Variants in VTCN1 observed in about 807,000 individuals in gnomAD.
VTCN1 encodes V-set domain containing T cell activation inhibitor 1.
VTCN1 carries 26 observed loss-of-function variants against 26.5 expected under a neutral mutation model. That is an observed-to-expected ratio of 0.98 (90% CI 0.72 to 1.36). VTCN1 has a LOEUF of 1.36. Among genes scored for constraint, VTCN1 ranks in the 40% most tolerant of loss-of-function variants. The probability of loss-of-function intolerance (pLI) is 0.00; values close to 1 mark genes in which losing one functional copy is unlikely to be tolerated. For missense variants in VTCN1, 298 were observed against 337.7 expected (o/e 0.88, Z 0.92); for synonymous variants, 116 against 130.7 (o/e 0.89, Z 0.77).
chr1:117,196,986 C>T (rs1211309803), intron 1 of VTCN1, among the ~76,000 whole-genome samples: 2 of 152,176 alleles, frequency 1.3e-5, no homozygotes, highest in East Asian at 1.9e-4. Flanking sequence ...CACCATCTTG[C>T]AGCTCACTTC....
intron 4 of VTCN1, among the ~76,000 whole-genome samples, chr1:117,148,861 C>A (rs1651650569): frequency 6.6e-6 from 1 of 152,132 alleles, no homozygotes; most frequent in African/African-American, 2.4e-5. Context: ...TCAGACAGAA[C>A]CAGACTGGTG....
chr1:117,187,452 A>G (rs12025144), intron 1 of VTCN1, among the ~76,000 whole-genome samples: 17,338 of 152,166 alleles, frequency 0.11, 1,054 homozygotes, highest in East Asian at 0.16. Context: ...GAAGTCCCCA[A>G]TGACATACAG....
In VTCN1 at chr1:117,205,028, A is replaced by G. The variant is rs568175856; in HGVS notation, c.32+5796T>C. ...TATATATATGCGTATATATACACGT[A>G]TATATATACGTGTCCTGTATATGTA... On this transcript the variant is annotated intron_variant, in intron 1 of 5. Coordinates refer to ENST00000369458, the MANE Select transcript of VTCN1 (RefSeq NM_024626.4). Among the ~76,000 whole-genome samples the G allele has an allele frequency of 4.2e-3, 632 of 150,730 alleles. 3 individuals carry two copies. The highest frequency in any genetic ancestry group is 0.015 in the African/African-American group (606 of 41,074).
At chr1:117,173,184 C>T in intron 1 of VTCN1, 1 of 716,554 alleles carries the variant, frequency 1.4e-6, no homozygotes, top group Non-Finnish European at 2.6e-6. Context: ...CTGTAACACT[C>T]ACCGCGAGGT....
At chr1:117,178,283 G>T (rs566608002) in intron 1 of VTCN1, among the ~76,000 whole-genome samples, 62 of 143,238 alleles carry the variant, frequency 4.3e-4, no homozygotes, top group African/African-American at 1.6e-3. Flanking sequence ...TTGAGATGGA[G>T]TCTCTCTCTG....
chr1:117,188,748 C>T (rs115363431), intron 1 of VTCN1, among the ~76,000 whole-genome samples: 103 of 152,168 alleles, frequency 6.8e-4, no homozygotes, highest in African/African-American at 2.3e-3. Context: ...CCCATTTTTT[C>T]CCCCAAGATC....
chr1:117,201,951 T>A (rs1648811138), intron 1 of VTCN1, among the ~76,000 whole-genome samples: 1 of 152,216 alleles, frequency 6.6e-6, no homozygotes, highest in African/African-American at 2.4e-5. Flanking sequence ...GCCTCCCTCA[T>A]CTAACTCTCT....
At position 117,169,674 on chromosome 1, in the gene VTCN1, C is replaced by T. The variant is rs1345658136; in HGVS notation, c.97+433G>A. Among the ~76,000 whole-genome samples the T allele has an allele frequency of 2.6e-5, 4 of 152,194 alleles. No individual in the cohort carries two copies. Among genetic ancestry groups the T allele is most frequent in the African/African-American group, 4.8e-5 (2 of 41,448 alleles). On this transcript the variant is annotated intron_variant, in intron 2 of 5. Transcript: ENST00000369458. The surrounding 1 kb of genome is among the most constrained non-coding windows in gnomAD (Gnocchi z 4.0). ...TTGGGAGGCCGAGGCAGGTGGATTG[C>T]TTGAGCTCAGGAGTTTGAGACCAGC... is the stretch of plus-strand genomic sequence containing the variant.
At chr1:117,151,063 A>G (rs1304088486) in intron 4 of VTCN1, among the ~76,000 whole-genome samples, 5 of 152,192 alleles carry the variant, frequency 3.3e-5, no homozygotes, top group Non-Finnish European at 7.3e-5. Flanking sequence ...TTTGGTGAAT[A>G]GTGCTACTGT....
chr1:117,153,005 G>T, intron 4 of VTCN1, 86 bp downstream of exon 4: 2 of 1,462,764 alleles, frequency 1.4e-6, no homozygotes, highest in Non-Finnish European at 9.2e-7. Context: ...TTTGTGCCTT[G>T]GTATATATCT....
At chr1:117,186,109 G>C (rs990798851) in intron 1 of VTCN1, among the ~76,000 whole-genome samples, 4 of 152,162 alleles carry the variant, frequency 2.6e-5, no homozygotes, top group Non-Finnish European at 5.9e-5. Flanking sequence ...ATGGTCCCTA[G>C]TTATAGGAAC....
intron 1 of VTCN1, among the ~76,000 whole-genome samples, chr1:117,184,205 C>T (rs1033210081): frequency 2.6e-5 from 4 of 152,132 alleles, no homozygotes; most frequent in Non-Finnish European, 4.4e-5. Context: ...CTGGTACTCC[C>T]CCTGCCCCAG....
intron 1 of VTCN1, among the ~76,000 whole-genome samples, chr1:117,171,691 T>C (rs1174324749): frequency 1.3e-5 from 2 of 152,256 alleles, no homozygotes; most frequent in African/African-American, 4.8e-5. Context: ...AAGCAGCATG[T>C]ATAACTTATA....
chr1:117,154,906 G>T (rs1651990560), intron 3 of VTCN1, among the ~76,000 whole-genome samples: 1 of 151,736 alleles, frequency 6.6e-6, no homozygotes, highest in Non-Finnish European at 1.5e-5. Context: ...TTCCACTGAT[G>T]TTCTTTTTCT....
At chr1:117,190,363 A>G (rs1260881053) in intron 1 of VTCN1, among the ~76,000 whole-genome samples, 7 of 152,226 alleles carry the variant, frequency 4.6e-5, no homozygotes, top group African/African-American at 1.7e-4. Context: ...CTGCAGAGGT[A>G]GGCCTGAAAA....
At chr1:117,185,320 T>C (rs914647739) in intron 1 of VTCN1, among the ~76,000 whole-genome samples, 13 of 152,248 alleles carry the variant, frequency 8.5e-5, no homozygotes, top group Non-Finnish European at 1.6e-4. Context: ...CTTTGCCATC[T>C]AGGCAATTTT....
chr1:117,154,704 A>T (rs1217363314), intron 3 of VTCN1, among the ~76,000 whole-genome samples: 2 of 148,746 alleles, frequency 1.3e-5, no homozygotes, highest in African/African-American at 5.0e-5. Flanking sequence ...AATCACTTGA[A>T]CCTGGGAGGC....
intron 1 of VTCN1, among the ~76,000 whole-genome samples, chr1:117,171,226 G>A (rs1237601178): frequency 6.6e-6 from 1 of 152,102 alleles, no homozygotes; most frequent in Non-Finnish European, 1.5e-5. Flanking sequence ...GTGTATACGT[G>A]CCACATTTTC....
chr1:117,202,487 G>A (rs566295489), intron 1 of VTCN1, among the ~76,000 whole-genome samples: 1 of 152,344 alleles, frequency 6.6e-6, no homozygotes, highest in East Asian at 1.9e-4. Context: ...GAACAGAGGT[G>A]TAAACATTAG....
Sources: gnomAD v4.1 joint callset for allele counts (sites outside exome capture counted in the v4.1 genomes callset) on GRCh38, gnomAD v4.1.1 for gene constraint, Gnocchi (gnomAD v3.1) non-coding constraint, MANE v1.5 for transcripts, NCBI Gene and HGNC (gene_info 2026-07-23, HGNC 2026-07-21) for gene names.